The following DYM variants were observed in gnomAD, a reference collection of about 807,000 sequenced individuals.
The protein encoded by DYM is dymeclin, also known as dyggve-Melchior-Clausen syndrome protein.
Under a neutral mutation model 93.1 loss-of-function variants are expected in DYM, and 78 were observed. That is an observed-to-expected ratio of 0.84 (90% CI 0.70 to 1.01). The LOEUF (loss-of-function observed/expected upper bound fraction) is 1.01. Ranked by LOEUF, DYM falls within the 50% of genes least tolerant of loss-of-function variation. The probability of loss-of-function intolerance (pLI) is 0.00; values close to 1 mark genes in which losing one functional copy is unlikely to be tolerated. For missense variants in DYM, 789 were observed against 845.0 expected, an observed-to-expected ratio of 0.93 and a Z score of 0.82; for synonymous variants, 321 against 319.7, an observed-to-expected ratio of 1.00 and a Z score of -0.04.
intron 10 of DYM, 59 bp from the exon 11 acceptor site, chr18:49,272,362 T>G: frequency 8.7e-7 from 1 of 1,154,240 alleles, no homozygotes; most frequent in Non-Finnish European, 1.3e-6. Flanking sequence ...CCAAATGTTT[T>G]AAATCTTTAC....
At chr18:49,301,474 T>C (rs905231179) in intron 8 of DYM, among the ~76,000 whole-genome samples, 3 of 149,858 alleles carry the variant, frequency 2.0e-5, no homozygotes, top group Non-Finnish European at 4.4e-5. Flanking sequence ...CAAGCTGAGA[T>C]TGCACCACTG....
At chr18:49,293,527 C>T (rs557966583) in intron 8 of DYM, among the ~76,000 whole-genome samples, 1 of 152,274 alleles carries the variant, frequency 6.6e-6, no homozygotes, top group East Asian at 1.9e-4. Flanking sequence ...TTCTAAGTGG[C>T]ATGAGATGGT....
chr18:49,368,138 A>G (rs532004357), intron 5 of DYM, among the ~76,000 whole-genome samples: 9 of 152,348 alleles, frequency 5.9e-5, no homozygotes, highest in Admixed American at 3.3e-4. Flanking sequence ...TACCATTCCA[A>G]TCAGATCAGT....
intron 17 of DYM, among the ~76,000 whole-genome samples, chr18:49,052,343 T>C (rs922099660): frequency 3.3e-5 from 5 of 152,224 alleles, no homozygotes; most frequent in Admixed American, 1.3e-4. Context: ...GGTTTGAGAC[T>C]TAAATAGCAA....
At chr18:49,292,731 C>A (rs546477788) in intron 8 of DYM, among the ~76,000 whole-genome samples, 1 of 151,674 alleles carries the variant, frequency 6.6e-6, no homozygotes, top group Non-Finnish European at 1.5e-5. Flanking sequence ...TTAATTGTAT[C>A]CCTTGGGTCT....
At chr18:49,290,519 A>G (rs1014038496) in intron 8 of DYM, among the ~76,000 whole-genome samples, 1 of 152,068 alleles carries the variant, frequency 6.6e-6, no homozygotes, top group African/African-American at 2.4e-5. Flanking sequence ...TAATATATTT[A>G]TTTCTTTAAA....
chr18:49,349,354 CA>C (rs140357354), intron 6 of DYM, among the ~76,000 whole-genome samples: 3,859 of 151,808 alleles, frequency 0.025, 154 homozygotes, highest in African/African-American at 0.087. Context: ...AAGTTCAACA[CA>C]AAAAAAGTTA....
At chr18:49,172,725 T>A (rs1200024643) in intron 14 of DYM, among the ~76,000 whole-genome samples, 2 of 152,244 alleles carry the variant, frequency 1.3e-5, no homozygotes, top group Admixed American at 1.3e-4. Flanking sequence ...GGGCAGTTTG[T>A]CTTTTTCATT....
rs182143540 is a variant in DYM, at chr18:49,057,048, T to C, written c.2026-12844A>G. On this transcript the variant is annotated intron_variant, in intron 17 of 17. Coordinates refer to ENST00000675505, the MANE Select transcript of DYM (RefSeq NM_001353214.3). ...AAAGGCATAGGTCGTAAGTTTCATATCTCAGTGTGTTAGCAATGTAAAACC... is the reference window on the plus strand; with the variant it reads ...AAAGGCATAGGTCGTAAGTTTCATACCTCAGTGTGTTAGCAATGTAAAACC... 2.8e-4 allele frequency among the ~76,000 whole-genome samples: 42 copies of C among 152,354 alleles called. 1 individual carries two copies. The highest frequency in any genetic ancestry group is 2.2e-3 in the Admixed American group (34 of 15,306).
intron 17 of DYM, among the ~76,000 whole-genome samples, chr18:49,059,435 C>T (rs2075768259): frequency 6.6e-6 from 1 of 152,198 alleles, no homozygotes; most frequent in South Asian, 2.1e-4. Context: ...TTAATATTTA[C>T]ATTATAACTG....
intron 13 of DYM, among the ~76,000 whole-genome samples, chr18:49,213,383 G>A (rs766122491): frequency 2.7e-5 from 4 of 148,558 alleles, no homozygotes; most frequent in African/African-American, 5.0e-5. Context: ...TGCAACCTCC[G>A]CCTCCCGGGT....
At chr18:49,288,909 A>G (rs1389578840) in intron 8 of DYM, among the ~76,000 whole-genome samples, 1 of 152,238 alleles carries the variant, frequency 6.6e-6, no homozygotes, top group Non-Finnish European at 1.5e-5. Flanking sequence ...AGTGTAAATA[A>G]AACATTTCTA....
In DYM at chr18:49,207,799, A is replaced by G. The variant is rs1406633054; in HGVS notation, c.1625+1752T>C. 7.9e-5 allele frequency among the ~76,000 whole-genome samples: 11 copies of G among 139,038 alleles called. No homozygotes were observed. In the Admixed American group the frequency reaches 8.3e-4, roughly 11 times the overall value. The allele number at this position is 139,038 out of a possible 152,430, so 91.2% of individuals were successfully genotyped here. ...AAGCCCCTGCAATAGCCAAAGCCCA[A>G]AATAGCTCTGTCTCCATCTCTCTCT... On this transcript the variant is annotated intron_variant, in intron 14 of 17. Coordinates refer to ENST00000675505, the MANE Select transcript of DYM (RefSeq NM_001353214.3).
chr18:49,086,017 G>A (rs1367031328), intron 17 of DYM, among the ~76,000 whole-genome samples: 2 of 152,162 alleles, frequency 1.3e-5, no homozygotes, highest in Non-Finnish European at 2.9e-5. Flanking sequence ...GGGATTTCAA[G>A]GTAAAATCAC....
At chr18:49,141,276 G>A (rs1433567344) in intron 15 of DYM, among the ~76,000 whole-genome samples, 1 of 152,096 alleles carries the variant, frequency 6.6e-6, no homozygotes, top group African/African-American at 2.4e-5. Flanking sequence ...TCAACACTTA[G>A]CCCTTTAAGT....
intron 17 of DYM, among the ~76,000 whole-genome samples, chr18:49,046,079 TGCGC>T (rs1477360651): frequency 1.4e-5 from 2 of 146,228 alleles, no homozygotes; most frequent in Non-Finnish European, 3.0e-5. Context: ...AGGAGCTGCA[TGCGC>T]GCACACACAC....
At position 49,289,599 on chromosome 18, in the gene DYM, T is replaced by C. The variant is rs142227292; in HGVS notation, c.764-2983A>G. Among the ~76,000 whole-genome samples, 318 of 148,886 alleles carry C rather than the reference T, an allele frequency of 2.1e-3. 2 individuals carry two copies. The highest frequency in any genetic ancestry group is 7.5e-3 in the African/African-American group (305 of 40,656). ...GGTGGTTCATGCTTGTAGTCCCAGCTACTCATGAGGCTGAAGCAGGAGGAT... is the reference window on the plus strand; with the variant it reads ...GGTGGTTCATGCTTGTAGTCCCAGCCACTCATGAGGCTGAAGCAGGAGGAT... On this transcript the variant is annotated intron_variant, in intron 8 of 17. Transcript: ENST00000675505.
chr18:49,152,596 T>C (rs1035252970), intron 15 of DYM, among the ~76,000 whole-genome samples: 2 of 152,160 alleles, frequency 1.3e-5, no homozygotes, highest in African/African-American at 4.8e-5. Flanking sequence ...TAATTAAAAA[T>C]AGAATGACCA....
intron 14 of DYM, among the ~76,000 whole-genome samples, chr18:49,164,206 G>C (rs2087573528): frequency 6.6e-6 from 1 of 152,222 alleles, no homozygotes; most frequent in Admixed American, 6.5e-5. Flanking sequence ...CTGTCATACA[G>C]AGTCTATGGT....
Sources: allele counts gnomAD v4.1 joint callset (sites outside exome capture counted in the v4.1 genomes callset), GRCh38; gene constraint gnomAD v4.1.1; transcripts MANE v1.5; gene names NCBI Gene and HGNC (gene_info 2026-07-23, HGNC 2026-07-21).